INPP4A: variants seen among roughly 807,000 people sequenced by gnomAD.
INPP4A encodes the protein inositol polyphosphate-4-phosphatase, type I, 107kD.
Under a neutral mutation model 119.8 loss-of-function variants are expected in INPP4A, and 33 were observed. The observed-to-expected ratio is 0.28, with a 90% confidence interval of 0.21 to 0.37. The LOEUF (loss-of-function observed/expected upper bound fraction) is 0.37. INPP4A is among the 10% of genes least tolerant of loss of function. The pLI, the probability that INPP4A is intolerant of heterozygous loss-of-function variation, is 1.00. For missense variants in INPP4A, 956 were observed against 1,289.9 expected, an observed-to-expected ratio of 0.74 and a Z score of 3.97; for synonymous variants, 496 against 500.7, an observed-to-expected ratio of 0.99 and a Z score of 0.12.
In INPP4A at chr2:98,590,720, C is replaced by T. The variant is rs1405827573; in HGVS notation, c.*3112C>T. The stretch of plus-strand genomic sequence containing the variant: ...TGCCGTCTTCTAGGCACACACGACC[C>T]GTTATCTCCCTTGGAAAAATTCCTC... On this transcript the variant is annotated 3_prime_UTR_variant, in exon 25 of 25. Coordinates refer to ENST00000409851, the MANE Select transcript of INPP4A (RefSeq NM_001134225.2). 5 of 219,712 alleles carry T rather than the reference C, an allele frequency of 2.3e-5. No individual in the cohort carries two copies. The highest frequency in any genetic ancestry group is 1.3e-4 in the East Asian group (2 of 14,886). 13.6% of individuals were successfully genotyped at this position (219,712 alleles called of 1,614,324 possible).
At chr2:98,545,948 T>C (rs1458634089) in intron 11 of INPP4A, 21 bp from the exon 12 acceptor site, 9 of 1,539,360 alleles carry the variant, frequency 5.8e-6, no homozygotes, top group Non-Finnish European at 6.2e-6. Context: ...GGCCTTTATC[T>C]TCTCCTATTC....
intron 1 of INPP4A, among the ~76,000 whole-genome samples, chr2:98,487,678 A>G (rs562494875): frequency 8.7e-4 from 132 of 152,360 alleles, no homozygotes; most frequent in African/African-American, 3.1e-3. Context: ...AGTTCTGGGC[A>G]TATACACAGA....
chr2:98,500,121 C>T (rs1342609995), intron 1 of INPP4A, among the ~76,000 whole-genome samples: 1 of 152,196 alleles, frequency 6.6e-6, no homozygotes. Flanking sequence ...CCGTGTATCT[C>T]ATTTGACCCT....
chr2:98,518,251 C>A (rs529001064), intron 1 of INPP4A, among the ~76,000 whole-genome samples: 3 of 152,376 alleles, frequency 2.0e-5, no homozygotes, highest in Admixed American at 1.3e-4. Context: ...GTGGCTCCCC[C>A]ACCAGGCCAC....
chr2:98,505,942 A>G (rs961815543), intron 1 of INPP4A, among the ~76,000 whole-genome samples: 2 of 152,144 alleles, frequency 1.3e-5, no homozygotes, highest in African/African-American at 4.8e-5. Flanking sequence ...TTTTTTAACT[A>G]TTTTTGACAG....
At chr2:98,564,617 C>T in intron 18 of INPP4A, 23 bp from the exon 19 acceptor site, 1 of 1,612,448 alleles carries the variant, frequency 6.2e-7, no homozygotes, top group Non-Finnish European at 8.5e-7. Flanking sequence ...GACCCTGAAC[C>T]TCTTCACCCC....
chr2:98,467,817 T>C (rs985417156), intron 1 of INPP4A, among the ~76,000 whole-genome samples: 2 of 152,178 alleles, frequency 1.3e-5, no homozygotes, highest in African/African-American at 4.8e-5. Context: ...TAGATAATTA[T>C]CTATTATCTA....
intron 9 of INPP4A, 117 bp from the exon 10 acceptor site, chr2:98,539,411 A>G: frequency 2.6e-6 from 3 of 1,133,866 alleles, no homozygotes; most frequent in Non-Finnish European, 3.7e-6. Context: ...TTCCCATGAG[A>G]TGAACAGTGA....
At chr2:98,473,308 C>A (rs1305543106) in intron 1 of INPP4A, among the ~76,000 whole-genome samples, 1 of 31,952 alleles carries the variant, frequency 3.1e-5, no homozygotes, top group African/African-American at 1.2e-4. Flanking sequence ...GCGGGTAGTG[C>A]GGGTGGAGTG....
chr2:98,534,968 G>C (rs542046987), intron 5 of INPP4A, among the ~76,000 whole-genome samples: 2 of 152,158 alleles, frequency 1.3e-5, no homozygotes, highest in Non-Finnish European at 2.9e-5. Context: ...CTTAGCCAAG[G>C]GCAGGTGGAG....
intron 1 of INPP4A, among the ~76,000 whole-genome samples, chr2:98,461,354 C>T (rs1049444188): frequency 1.3e-5 from 2 of 152,202 alleles, no homozygotes; most frequent in African/African-American, 4.8e-5. Context: ...TTGCCAAGGC[C>T]GTGGCAGTCA....
intron 4 of INPP4A, among the ~76,000 whole-genome samples, chr2:98,529,891 C>A (rs1417114886): frequency 6.6e-6 from 1 of 152,122 alleles, no homozygotes; most frequent in Admixed American, 6.5e-5. Context: ...AATGAAGGAA[C>A]CATCTCACAG....
At chr2:98,537,280 G>C (rs1009979475) in intron 7 of INPP4A, among the ~76,000 whole-genome samples, 1 of 152,236 alleles carries the variant, frequency 6.6e-6, no homozygotes, top group Non-Finnish European at 1.5e-5. Flanking sequence ...GGATGAATCA[G>C]ATGAGCCCAG....
intron 17 of INPP4A, among the ~76,000 whole-genome samples, chr2:98,560,215 T>C (rs985892170): frequency 6.6e-6 from 1 of 152,184 alleles, no homozygotes; most frequent in Non-Finnish European, 1.5e-5. Context: ...ATAATATGAT[T>C]TGATGTTCTT....
intron 17 of INPP4A, among the ~76,000 whole-genome samples, chr2:98,563,252 G>A (rs1695813535): frequency 6.6e-6 from 1 of 152,094 alleles, no homozygotes; most frequent in South Asian, 2.1e-4. Flanking sequence ...AGGTACCGGA[G>A]TAGAACTGGT....
intron 5 of INPP4A, among the ~76,000 whole-genome samples, chr2:98,533,933 A>G (rs111584150): frequency 0.014 from 2,106 of 152,324 alleles, 34 homozygotes; most frequent in African/African-American, 0.029. Flanking sequence ...TTTGTGTCAC[A>G]TGTTAACTTT....
chr2:98,540,495 C>G (rs1163187203), intron 10 of INPP4A, among the ~76,000 whole-genome samples: 1 of 152,148 alleles, frequency 6.6e-6, no homozygotes, highest in East Asian at 1.9e-4. Context: ...ATATTATGTC[C>G]CCTGTCTCTC....
At chr2:98,582,767 T>TGCATACACCAGACAGAAAGATAACCTACC (rs1203763482) in intron 24 of INPP4A, among the ~76,000 whole-genome samples, 4 of 145,458 alleles carry the variant, frequency 2.7e-5, no homozygotes, top group Admixed American at 6.9e-5. Flanking sequence ...GATCATCTAC[T>TGCATACACCAGACAGAAAGATAACCTACC]GCATACACCA....
chr2:98,485,929 A>G (rs1336490367), intron 1 of INPP4A, among the ~76,000 whole-genome samples: 1 of 152,194 alleles, frequency 6.6e-6, no homozygotes, highest in Non-Finnish European at 1.5e-5. Context: ...TGATTTCCAG[A>G]CACTCTTCTT....
Sources: gnomAD v4.1 joint callset for allele counts (sites outside exome capture counted in the v4.1 genomes callset) on GRCh38, gnomAD v4.1.1 for gene constraint, MANE v1.5 for transcripts, NCBI Gene and HGNC (gene_info 2026-07-23, HGNC 2026-07-21) for gene names.